PHLDB1: variants seen among roughly 807,000 people sequenced by gnomAD.
The protein encoded by PHLDB1 is pleckstrin homology like domain family B member 1.
A neutral mutation model predicts 139.3 loss-of-function variants in PHLDB1; 65 were observed. The ratio of observed to expected loss-of-function variants is 0.47; its 90% CI spans 0.38 to 0.57. The LOEUF (loss-of-function observed/expected upper bound fraction) is 0.57, where lower values mean the gene tolerates loss of function less well. Among genes scored for constraint, PHLDB1 ranks in the 20% least tolerant of loss-of-function variants. PHLDB1 has a pLI of 0.00. For missense variants in PHLDB1, 1,624 were observed against 1,839.7 expected (o/e 0.88, Z 2.14); for synonymous variants, 679 against 734.5 (o/e 0.92, Z 1.22).
chr11:118,614,622 C>T lies in PHLDB1; in HGVS notation c.124C>T (p.Leu42=). 1 of 1,614,044 alleles carries T rather than the reference C, an allele frequency of 6.2e-7. No individual in the cohort carries two copies. Among genetic ancestry groups the T allele is most frequent in the Non-Finnish European group, 8.5e-7 (1 of 1,179,940 alleles). The change falls in exon 3 of 23, where the codon CTG becomes TTG. Residue 42 remains leucine (L), a synonymous_variant. Coordinates refer to ENST00000600882, the MANE Select transcript of PHLDB1 (RefSeq NM_001144758.3). ...GAAAGTGCAAACGGACAAACCCCAC[C>T]TGGTGAGCCTGGGCAGTGGGCGACT... ...GLKVQTDKPH[L]VSLGSGRLST... is the part of the protein sequence containing the mutation.
intron 12 of PHLDB1, chr11:118,641,971 C>T (rs1412416155): frequency 7.2e-6 from 4 of 553,158 alleles, no homozygotes; most frequent in Non-Finnish European, 1.3e-5. Flanking sequence ...AAGTTGTACC[C>T]TGACTGTTTC....
chr11:118,618,132 T>A (rs1942027045), intron 4 of PHLDB1, among the ~76,000 whole-genome samples: 1 of 152,134 alleles, frequency 6.6e-6, no homozygotes, highest in East Asian at 1.9e-4. Flanking sequence ...CCGACTCTTC[T>A]CCAGCCAGAG....
intron 20 of PHLDB1, chr11:118,653,103 G>C (rs1948564865): frequency 6.5e-6 from 1 of 152,674 alleles, no homozygotes. Flanking sequence ...ATTGAGGATA[G>C]GTGGGTGGTA....
At chr11:118,606,842 G>T (rs1435724396), upstream of PHLDB1, among the ~76,000 whole-genome samples, 1 of 152,188 alleles carries the variant, frequency 6.6e-6, no homozygotes, top group Admixed American at 6.6e-5. Flanking sequence ...TCTATAGCCT[G>T]CCTCCATCTC....
chr11:118,627,290 T>C lies in PHLDB1; in HGVS notation c.482-15T>C, dbSNP rs782322299. On this transcript the variant is annotated splice_polypyrimidine_tract_variant and intron_variant, in intron 5 of 22. Coordinates refer to ENST00000600882, the MANE Select transcript of PHLDB1 (RefSeq NM_001144758.3). ...GCAGCTCCCTAAAGTCAAAGACCTT[T>C]GCATTTCCCTCCAGCAGAATCAGAA... 1 of 1,612,304 alleles carries C rather than the reference T, an allele frequency of 6.2e-7. No individual in the cohort carries two copies. Among genetic ancestry groups the C allele is most frequent in the Non-Finnish European group, 8.5e-7 (1 of 1,179,532 alleles).
At chr11:118,614,208 A>G (rs1211506482) in intron 2 of PHLDB1, among the ~76,000 whole-genome samples, 1 of 150,424 alleles carries the variant, frequency 6.6e-6, no homozygotes, top group Non-Finnish European at 1.5e-5. Flanking sequence ...GTGGATAGCC[A>G]TGGACAAGTC....
At position 118,631,486 on chromosome 11, in the gene PHLDB1, T is replaced by G. The variant is rs1374446213; in HGVS notation, c.2100+7T>G. ...TGAGAGCACCCAGCAGGAGGTGAGA[T>G]GGAGGGGTAGGCAAGACAAAGAGGC... On this transcript the variant is annotated splice_region_variant and intron_variant, in intron 7 of 22. Transcript: ENST00000600882. 2 of 1,417,360 alleles carry G rather than the reference T, an allele frequency of 1.4e-6. No homozygotes were observed. 87.8% of individuals were successfully genotyped at this position (1,417,360 alleles called of 1,614,324 possible).
intron 5 of PHLDB1, chr11:118,626,819 A>G (rs1555101831): frequency 1.2e-5 from 2 of 161,480 alleles, no homozygotes; most frequent in African/African-American, 5.0e-5. Flanking sequence ...ATACCCAGCT[A>G]ATTTTTTGTA....
Position 118,632,180 on chromosome 11 carries a change from C to T in PHLDB1, c.2263C>T (p.Leu755=). 6.2e-7 allele frequency: 1 copy of T among 1,614,058 alleles called. No individual in the cohort carries two copies. The change falls in exon 9 of 23, where the codon CTG becomes TTG. Residue 755 remains leucine (L), a synonymous_variant. Coordinates refer to ENST00000600882, the MANE Select transcript of PHLDB1 (RefSeq NM_001144758.3). The surrounding 1 kb of genome is among the most constrained non-coding windows in gnomAD (Gnocchi z 5.9). ...AREAEMERAL[L]QGEREAERAL... ...CCAGGCCGAAATGGAGCGGGCACTGCTGCAGGGAGAGAGGGAGGCAGAGCG... is the reference window on the plus strand; with the variant it reads ...CCAGGCCGAAATGGAGCGGGCACTGTTGCAGGGAGAGAGGGAGGCAGAGCG...
At chr11:118,642,548 C>T (rs1946752326) in intron 13 of PHLDB1, among the ~76,000 whole-genome samples, 154 bp downstream of exon 13, 1 of 152,264 alleles carries the variant, frequency 6.6e-6, no homozygotes, top group Non-Finnish European at 1.5e-5. Flanking sequence ...GAGGGTCACT[C>T]CTTGGGCAGC....
chr11:118,620,196 A>G lies in PHLDB1; in HGVS notation c.355+3985A>G, dbSNP rs1293349184. ...TGGGGGACCTGGCTGGATGGTAGGT[A>G]TTAATACCTGACTGGGCCGGGTGCA... On this transcript the variant is annotated intron_variant, in intron 4 of 22. Coordinates refer to ENST00000600882, the MANE Select transcript of PHLDB1 (RefSeq NM_001144758.3). The surrounding 1 kb of genome is among the most constrained non-coding windows in gnomAD (Gnocchi z 4.1). 1.3e-5 allele frequency among the ~76,000 whole-genome samples: 2 copies of G among 152,226 alleles called. No homozygotes were observed. Among genetic ancestry groups the G allele is most frequent in the Non-Finnish European group, 2.9e-5 (2 of 68,028 alleles).
chr11:118,647,781 C>A, intron 17 of PHLDB1, 149 bp from the exon 18 acceptor site: 1 of 778,470 alleles, frequency 1.3e-6, no homozygotes, highest in Non-Finnish European at 2.0e-6. Context: ...CCAGCCAGGG[C>A]TCTTGGAGAG....
intron 13 of PHLDB1, among the ~76,000 whole-genome samples, chr11:118,642,779 T>C (rs896611138): frequency 1.4e-4 from 22 of 152,238 alleles, no homozygotes; most frequent in Non-Finnish European, 2.5e-4. Context: ...CTGTGGCAAC[T>C]GGAACTAGTG....
intron 6 of PHLDB1, among the ~76,000 whole-genome samples, chr11:118,629,348 G>A (rs1944403819): frequency 6.6e-6 from 1 of 152,242 alleles, no homozygotes; most frequent in Non-Finnish European, 1.5e-5. Flanking sequence ...GCAGGGGCTG[G>A]GTGTGGCTCT....
At chr11:118,624,913 A>T (rs1943593215) in intron 4 of PHLDB1, 21 bp from the exon 5 acceptor site, 6 of 1,613,490 alleles carry the variant, frequency 3.7e-6, no homozygotes, top group African/African-American at 1.3e-5. Flanking sequence ...CCTGGTCTTC[A>T]AGTGTTTGCT....
At chr11:118,625,333 C>G (rs1943671861) in intron 5 of PHLDB1, among the ~76,000 whole-genome samples, 1 of 152,206 alleles carries the variant, frequency 6.6e-6, no homozygotes, top group Non-Finnish European at 1.5e-5. Context: ...GGATGCCACT[C>G]AGTGTCTGGA....
rs781797727 is a variant in PHLDB1, at chr11:118,645,467, C to T, written c.3233C>T (p.Ala1078Val). ...DALHGAAPFP[A>V]GPSGFPPLMH... Reference sequence around the variant, plus strand: ...CTTCACGGGGCAGCACCCTTCCCAGCGGGCCCCTCGGGCTTCCCCCCTCTC... The same window carrying T: ...CTTCACGGGGCAGCACCCTTCCCAGTGGGCCCCTCGGGCTTCCCCCCTCTC... Residue 1078 changes from alanine to valine, a missense_variant, in exon 16 of 23, where the codon GCG (alanine) becomes GTG (valine). Coordinates refer to ENST00000600882, the MANE Select transcript of PHLDB1 (RefSeq NM_001144758.3). The surrounding 1 kb of genome is among the most constrained non-coding windows in gnomAD (Gnocchi z 5.1). 1.1e-5 allele frequency: 18 copies of T among 1,609,190 alleles called. No homozygotes were observed. Among genetic ancestry groups the T allele is most frequent in the African/African-American group, 2.7e-5 (2 of 74,878 alleles).
Position 118,608,422 on chromosome 11 carries a change from A to C in PHLDB1, c.-22+723A>C, listed in dbSNP as rs1555080648. 6.6e-6 allele frequency among the ~76,000 whole-genome samples: 1 copy of C among 152,082 alleles called. No individual in the cohort carries two copies. The highest frequency in any genetic ancestry group is 1.5e-5 in the Non-Finnish European group (1 of 67,972). On this transcript the variant is annotated intron_variant, in intron 1 of 22. Coordinates refer to ENST00000600882, the MANE Select transcript of PHLDB1 (RefSeq NM_001144758.3). This position sits in a 1 kb window ranked among gnomAD's most constrained non-coding sequence, Gnocchi z 6.7. ...CCCAAGTCATCCGGGCTCCCCCGGGATAGGGAAGTGCGGGCGGGCGGCTGG... is the reference window on the plus strand; with the variant it reads ...CCCAAGTCATCCGGGCTCCCCCGGGCTAGGGAAGTGCGGGCGGGCGGCTGG...
chr11:118,607,157 G>A (rs1410000010), upstream of PHLDB1, among the ~76,000 whole-genome samples: 1 of 151,818 alleles, frequency 6.6e-6, no homozygotes, highest in African/African-American at 2.4e-5. Context: ...GATTTGGGAG[G>A]TTCAGTGGGA....
Sources: allele counts gnomAD v4.1 joint callset (sites outside exome capture counted in the v4.1 genomes callset), GRCh38; gene constraint gnomAD v4.1.1; non-coding constraint Gnocchi (gnomAD v3.1); transcripts MANE v1.5; gene names NCBI Gene and HGNC (gene_info 2026-07-23, HGNC 2026-07-21).